The following RSF1 variants were observed in gnomAD, a reference collection of about 807,000 sequenced individuals.
RSF1 encodes HBV pX-associated protein 8.
In RSF1, 13 loss-of-function variants were observed where a neutral mutation model predicts 145.2. The observed-to-expected ratio is 0.09, with a 90% CI of 0.06 to 0.14. RSF1 has a LOEUF of 0.14. Ranked by LOEUF, RSF1 falls within the 10% of genes least tolerant of loss-of-function variation. RSF1 has a pLI of 1.00. For missense variants in RSF1, 1,517 were observed against 1,718.2 expected, an observed-to-expected ratio of 0.88 and a Z score of 2.07; for synonymous variants, 577 against 592.6, an observed-to-expected ratio of 0.97 and a Z score of 0.38.
At chr11:77,711,602 A>G (rs552504315) in intron 5 of RSF1, among the ~76,000 whole-genome samples, 5 of 152,210 alleles carry the variant, frequency 3.3e-5, no homozygotes, top group African/African-American at 1.2e-4. Flanking sequence ...TCTGGGAGGT[A>G]GAGGTTGCAG....
the RSF1 span, among the ~76,000 whole-genome samples, chr11:77,865,694 G>A: frequency 6.6e-6 from 1 of 152,220 alleles, no homozygotes; most frequent in Non-Finnish European, 1.5e-5. Context: ...AAGTTGGCTA[G>A]CAGACTTTTG....
intron 4 of RSF1, among the ~76,000 whole-genome samples, chr11:77,737,720 A>G (rs1411897821): frequency 1.2e-5 from 1 of 84,738 alleles, no homozygotes; most frequent in Admixed American, 1.4e-4. Flanking sequence ...GTCAAGCATG[A>G]GAAGAGGTGA....
intron 15 of RSF1, among the ~76,000 whole-genome samples, chr11:77,668,883 C>T (rs1335159396): frequency 6.7e-6 from 1 of 149,088 alleles, no homozygotes; most frequent in Non-Finnish European, 1.5e-5. Flanking sequence ...CTCACCTAGT[C>T]TCACAACTTG....
chr11:77,698,693 C>T lies in RSF1; in HGVS notation c.2509G>A (p.Val837Ile). Reference sequence around the variant, plus strand: ...CATCGAACTTTGCCTTTGGGTTTTACCTTGTATAAAATAAAAAAAATTGGG... The same window carrying T: ...CATCGAACTTTGCCTTTGGGTTTTATCTTGTATAAAATAAAAAAAATTGGG... Reference protein sequence around the residue: ...EKDTNSKVSKVKPKGKVRWTG... With the variant: ...EKDTNSKVSKIKPKGKVRWTG... The change falls in exon 7 of 16, where the codon GTA (valine) becomes ATA (isoleucine). Residue 837 changes from valine to isoleucine, a missense_variant and splice_region_variant. Transcript: ENST00000308488. The T allele has an allele frequency of 1.2e-6, 2 of 1,612,934 alleles. No individual in the cohort carries two copies. Among genetic ancestry groups the T allele is most frequent in the Non-Finnish European group, 1.7e-6 (2 of 1,179,420 alleles).
intron 2 of RSF1, among the ~76,000 whole-genome samples, chr11:77,755,584 A>ATT (rs55731438): frequency 7.6e-4 from 112 of 148,172 alleles, no homozygotes; most frequent in South Asian, 6.0e-3. Flanking sequence ...AATCAAGAAG[A>ATT]TTTTTTTTTT....
chr11:77,725,547 T>C lies in RSF1; in HGVS notation c.731A>G (p.Gln244Arg), dbSNP rs1187153452. ...ETKKEEETPKQEEQKESEKMK... is the reference protein window; with the variant it reads ...ETKKEEETPKREEQKESEKMK... ...AAACAAAACACACAAAAAAAAACCT[T>C]GTTTAGGTGTTTCTTCCTCTTTTTT... Residue 244 changes from glutamine (Q) to arginine (R), a missense_variant and splice_region_variant, in exon 5 of 16, where the codon CAA becomes CGA. Transcript: ENST00000308488. 1.3e-6 allele frequency: 2 copies of C among 1,544,856 alleles called. No individual in the cohort carries two copies. The highest frequency in any genetic ancestry group is 2.4e-5 in the East Asian group (1 of 41,956).
At chr11:77,678,186 G>C in intron 11 of RSF1, 33 bp from the exon 12 acceptor site, 2 of 1,080,778 alleles carry the variant, frequency 1.9e-6, no homozygotes, top group Non-Finnish European at 2.5e-6. Context: ...ATTATAGCCT[G>C]TCCTGGCTTT....
chr11:77,684,962 G>A, intron 10 of RSF1, 143 bp downstream of exon 10: 1 of 404,554 alleles, frequency 2.5e-6, no homozygotes, highest in Non-Finnish European at 4.3e-6. Context: ...ACTCCAGTCT[G>A]GGCAACAAGA....
chr11:77,871,168 G>A, the RSF1 span, among the ~76,000 whole-genome samples: 1 of 151,936 alleles, frequency 6.6e-6, no homozygotes, highest in African/African-American at 2.4e-5. Context: ...TATCTGATAG[G>A]GTACTTTTAT....
intron 6 of RSF1, among the ~76,000 whole-genome samples, chr11:77,700,166 C>G (rs548269952): frequency 6.6e-6 from 1 of 152,064 alleles, no homozygotes; most frequent in Admixed American, 6.5e-5. Context: ...TCCTGGCCAA[C>G]ATGGCGAAAA....
chr11:77,728,287 T>C (rs1961107005), intron 4 of RSF1, among the ~76,000 whole-genome samples: 1 of 152,176 alleles, frequency 6.6e-6, no homozygotes, highest in African/African-American at 2.4e-5. Flanking sequence ...AAATCTAGTA[T>C]ATCTACATAT....
intron 11 of RSF1, among the ~76,000 whole-genome samples, chr11:77,678,450 T>C (rs946085048): frequency 5.3e-5 from 8 of 152,106 alleles, no homozygotes; most frequent in African/African-American, 1.4e-4. Flanking sequence ...CTCGACCTCG[T>C]GATCTGCCCG....
In RSF1 at chr11:77,662,692, G is replaced by C. The variant is rs1012104115; in HGVS notation, c.*4225C>G. The stretch of plus-strand genomic sequence containing the variant: ...AAATCAGTTAACTTGCCACTTCCAA[G>C]GTAGGTTTACAGGCACACACTTTGG... On this transcript the variant is annotated 3_prime_UTR_variant, in exon 16 of 16. Transcript: ENST00000308488. The C allele has an allele frequency of 6.6e-6, 1 of 152,116 alleles. No homozygotes were observed. Among genetic ancestry groups the C allele is most frequent in the Non-Finnish European group, 1.5e-5 (1 of 68,008 alleles). 9.4% of individuals were successfully genotyped at this position (152,116 alleles called of 1,614,324 possible).
At chr11:77,733,206 A>G (rs921259055) in intron 4 of RSF1, among the ~76,000 whole-genome samples, 2 of 152,182 alleles carry the variant, frequency 1.3e-5, no homozygotes, top group African/African-American at 4.8e-5. Context: ...CAGTTGGTTC[A>G]TATCCTTGTT....
chr11:77,786,020 A>C (rs373272493), intron 1 of RSF1, among the ~76,000 whole-genome samples: 1 of 150,682 alleles, frequency 6.6e-6, no homozygotes, highest in East Asian at 2.0e-4. Context: ...TCTGCATATC[A>C]TATCGTATAG....
intron 1 of RSF1, among the ~76,000 whole-genome samples, chr11:77,792,814 G>A (rs1290298875): frequency 6.7e-6 from 1 of 150,096 alleles, no homozygotes; most frequent in East Asian, 1.9e-4. Context: ...ATCTTTCCCT[G>A]ACAAGCAAAA....
chr11:77,706,704 G>A (rs754667237), intron 5 of RSF1, among the ~76,000 whole-genome samples: 2 of 151,658 alleles, frequency 1.3e-5, no homozygotes, highest in Admixed American at 1.3e-4. Context: ...GGGTACGTAC[G>A]CAGGTTTGTT....
At chr11:77,753,825 GT>G (rs1948088538) in intron 2 of RSF1, among the ~76,000 whole-genome samples, 1 of 152,136 alleles carries the variant, frequency 6.6e-6, no homozygotes, top group Non-Finnish European at 1.5e-5. Flanking sequence ...GTCTTTCCAG[GT>G]TTGTTGTATG....
the RSF1 span, chr11:77,841,368 GT>G: frequency 1.7e-6 from 1 of 581,188 alleles, no homozygotes; most frequent in South Asian, 2.2e-5. Context: ...TTCTGTTAGA[GT>G]TTTTTCCTTG....
Sources: allele counts gnomAD v4.1 joint callset (sites outside exome capture counted in the v4.1 genomes callset), GRCh38; gene constraint gnomAD v4.1.1; transcripts MANE v1.5; gene names NCBI Gene and HGNC (gene_info 2026-07-23, HGNC 2026-07-21).